Variants in TMEM132E observed in about 807,000 individuals in gnomAD.
TMEM132E encodes the protein transmembrane protein 132E.
In TMEM132E, 49 loss-of-function variants were observed where a neutral mutation model predicts 78.5. The ratio of observed to expected loss-of-function variants is 0.62; its 90% CI spans 0.50 to 0.79. TMEM132E has a LOEUF of 0.79. TMEM132E is among the 30% of genes least tolerant of loss of function. TMEM132E has a pLI of 0.00. For synonymous variants in TMEM132E, 715 were observed against 670.6 expected, an observed-to-expected ratio of 1.07 and a Z score of -1.02; for missense variants, 1,403 against 1,470.9, an observed-to-expected ratio of 0.95 and a Z score of 0.75.
At position 34,629,993 on chromosome 17, in the gene TMEM132E, T is replaced by C; in HGVS notation, c.1339-15T>C. The C allele has an allele frequency of 6.3e-7, 1 of 1,590,586 alleles. No individual in the cohort carries two copies. Among genetic ancestry groups the C allele is most frequent in the Non-Finnish European group, 8.6e-7 (1 of 1,161,976 alleles). On this transcript the variant is annotated splice_polypyrimidine_tract_variant and intron_variant, in intron 4 of 8. Coordinates refer to ENST00000631683, the MANE Select transcript of TMEM132E (RefSeq NM_001304438.2). Reference sequence around the variant, plus strand: ...GGGGACCACAAGTAGAGCCCCCCCCTTCTCCTCCCTGCAGGACACAGAGAT... The same window carrying C: ...GGGGACCACAAGTAGAGCCCCCCCCCTCTCCTCCCTGCAGGACACAGAGAT...
At position 34,625,883 on chromosome 17, in the gene TMEM132E, A is replaced by G. The variant is rs80337412; in HGVS notation, c.68-244A>G. Among the ~76,000 whole-genome samples, 960 of 152,308 alleles carry G rather than the reference A, an allele frequency of 6.3e-3. 17 individuals carry two copies. The highest frequency in any genetic ancestry group is 0.022 in the African/African-American group (925 of 41,566). On this transcript the variant is annotated intron_variant, in intron 1 of 8. Coordinates refer to ENST00000631683, the MANE Select transcript of TMEM132E (RefSeq NM_001304438.2). ...TTTACCCCTATGTCGCAGGTAAATAAATGAAGCGGTGGGTGAGAGGGTAAT... is the reference window on the plus strand; with the variant it reads ...TTTACCCCTATGTCGCAGGTAAATAGATGAAGCGGTGGGTGAGAGGGTAAT...
At chr17:34,607,651 C>T (rs1906458512) in intron 1 of TMEM132E, among the ~76,000 whole-genome samples, 1 of 152,178 alleles carries the variant, frequency 6.6e-6, no homozygotes, top group Admixed American at 6.5e-5. Flanking sequence ...ATTGAGTGCC[C>T]AGGTACCACA....
chr17:34,623,768 C>T (rs1597688968), intron 1 of TMEM132E, among the ~76,000 whole-genome samples: 1 of 152,226 alleles, frequency 6.6e-6, no homozygotes, highest in Admixed American at 6.5e-5. Context: ...GGTTCGCCTG[C>T]TTGCTGCTGC....
chr17:34,630,534 A>G (rs1907318533), intron 5 of TMEM132E, among the ~76,000 whole-genome samples: 1 of 152,198 alleles, frequency 6.6e-6, no homozygotes, highest in Non-Finnish European at 1.5e-5. Context: ...CTAGCAAGAC[A>G]TTATTGAACC....
intron 1 of TMEM132E, among the ~76,000 whole-genome samples, chr17:34,596,962 T>C (rs1906080365): frequency 6.7e-6 from 1 of 149,028 alleles, no homozygotes; most frequent in Admixed American, 6.7e-5. Context: ...ACCTCCCAGC[T>C]CCATCCCACC....
chr17:34,628,628 C>A lies in TMEM132E; in HGVS notation c.1064C>A (p.Thr355Asn). 6.2e-7 allele frequency: 1 copy of A among 1,613,886 alleles called. No individual in the cohort carries two copies. Among genetic ancestry groups the A allele is most frequent in the Non-Finnish European group, 8.5e-7 (1 of 1,179,888 alleles). ...TKSRSGQWHV[T>N]SELLTGAKHS... ...TCACGGAGTGGCCAGTGGCATGTGA[C>A]CTCGGAGCTGCTGACTGGGGCAAAG... Residue 355 changes from threonine (T) to asparagine (N), a missense_variant, in exon 3 of 9, where the codon ACC becomes AAC. Transcript: ENST00000631683.
At chr17:34,615,838 C>T (rs566652668) in intron 1 of TMEM132E, among the ~76,000 whole-genome samples, 1 of 151,824 alleles carries the variant, frequency 6.6e-6, no homozygotes, top group Admixed American at 6.6e-5. Flanking sequence ...CATTTAATGA[C>T]GATGATAATA....
chr17:34,584,437 T>G lies in TMEM132E; in HGVS notation c.67+3294T>G, dbSNP rs139793666. ...GAAATAAATGAACTTTTTCCATGAC[T>G]TCTTTGGTACTTCATGCTACTTTTC... On this transcript the variant is annotated intron_variant, in intron 1 of 8. Coordinates refer to ENST00000631683, the MANE Select transcript of TMEM132E (RefSeq NM_001304438.2). Among the ~76,000 whole-genome samples the G allele has an allele frequency of 1.5e-3, 231 of 152,374 alleles. 2 individuals are homozygous for G. In the East Asian group the frequency reaches 0.037, roughly 24 times the overall value.
intron 1 of TMEM132E, chr17:34,614,788 G>A (rs1265073003): frequency 1.3e-5 from 2 of 152,266 alleles, no homozygotes; most frequent in Admixed American, 1.3e-4. Context: ...TGTACATATT[G>A]TAGTCCCTGC....
At position 34,622,634 on chromosome 17, in the gene TMEM132E, C is replaced by T. The variant is rs1906996033; in HGVS notation, c.68-3493C>T. ...GCCACCCAGTCTCCTCTTGGATGCC[C>T]CATTGACAAGGAACTCATTACCCTC... On this transcript the variant is annotated intron_variant, in intron 1 of 8. Coordinates refer to ENST00000631683, the MANE Select transcript of TMEM132E (RefSeq NM_001304438.2). Among the ~76,000 whole-genome samples the T allele has an allele frequency of 2.0e-5, 3 of 152,186 alleles. No individual in the cohort carries two copies. In the South Asian group the frequency reaches 6.2e-4, roughly 32 times the overall value.
chr17:34,582,044 G>A (rs1905505178), intron 1 of TMEM132E, among the ~76,000 whole-genome samples: 1 of 152,028 alleles, frequency 6.6e-6, no homozygotes, highest in Admixed American at 6.5e-5. Flanking sequence ...GACCGAGGTG[G>A]GAGGGAGAGA....
intron 1 of TMEM132E, among the ~76,000 whole-genome samples, chr17:34,618,913 C>A (rs1906866614): frequency 6.6e-6 from 1 of 152,208 alleles, no homozygotes; most frequent in Non-Finnish European, 1.5e-5. Context: ...CAAGGAAGAG[C>A]AGGCCTGGAA....
At chr17:34,617,906 T>C (rs1035715242) in intron 1 of TMEM132E, among the ~76,000 whole-genome samples, 1 of 152,186 alleles carries the variant, frequency 6.6e-6, no homozygotes, top group Non-Finnish European at 1.5e-5. Context: ...TAAAGTAAAA[T>C]ATAGCAATCA....
At chr17:34,587,428 A>G (rs878119) in intron 1 of TMEM132E, among the ~76,000 whole-genome samples, 16,187 of 152,160 alleles carry the variant, frequency 0.11, 1,159 homozygotes, top group Admixed American at 0.21. Flanking sequence ...GCAAATTTCC[A>G]TCTTCAGAGA....
intron 1 of TMEM132E, among the ~76,000 whole-genome samples, chr17:34,616,186 G>A (rs780881508): frequency 6.6e-6 from 1 of 152,184 alleles, no homozygotes; most frequent in Non-Finnish European, 1.5e-5. Flanking sequence ...GAGCTGCTGG[G>A]AGTCAGCAGG....
intron 1 of TMEM132E, among the ~76,000 whole-genome samples, chr17:34,596,480 T>C (rs1906063808): frequency 6.6e-6 from 1 of 152,130 alleles, no homozygotes; most frequent in Non-Finnish European, 1.5e-5. Context: ...TCATAGAGGA[T>C]GTGTCACACC....
intron 3 of TMEM132E, 76 bp from the exon 4 acceptor site, chr17:34,628,936 C>T (rs1907251320): frequency 2.7e-6 from 4 of 1,487,630 alleles, no homozygotes; most frequent in Non-Finnish European, 2.7e-6. Context: ...GTGGGGTCCC[C>T]ACTGAGAGTT....
rs769105746 is a variant in TMEM132E at position 34,637,938 on chromosome 17, C to T, written c.2931C>T (p.Thr977=). ...GDHHSSGSSQ[T]SVQSQVHGRG... is the part of the protein sequence containing the mutation. ...ACCACAGCAGCGGCAGCTCGCAGAC[C>T]AGCGTCCAGAGCCAGGTGCACGGCA... The change falls in exon 9 of 9, where the codon ACC becomes ACT. Residue 977 remains threonine, a synonymous_variant. Coordinates refer to ENST00000631683, the MANE Select transcript of TMEM132E (RefSeq NM_001304438.2). The T allele has an allele frequency of 6.2e-7, 1 of 1,606,554 alleles. No individual in the cohort carries two copies. The highest frequency in any genetic ancestry group is 1.1e-5 in the South Asian group (1 of 90,612).
At chr17:34,628,164 G>A (rs1484447396) in intron 2 of TMEM132E, among the ~76,000 whole-genome samples, 1 of 152,200 alleles carries the variant, frequency 6.6e-6, no homozygotes, top group South Asian at 2.1e-4. Context: ...GGACAGAGGG[G>A]AATTGTTCTC....
Sources: allele counts gnomAD v4.1 joint callset (sites outside exome capture counted in the v4.1 genomes callset), GRCh38; gene constraint gnomAD v4.1.1; transcripts MANE v1.5; gene names NCBI Gene and HGNC (gene_info 2026-07-23, HGNC 2026-07-21).